VPS9D1: variants seen among roughly 807,000 people sequenced by gnomAD.
VPS9D1 encodes the protein VPS9 domain-containing protein 1.
A neutral mutation model predicts 75.8 loss-of-function variants in VPS9D1; 78 were observed. The observed-to-expected ratio is 1.03, with a 90% CI of 0.86 to 1.24. VPS9D1 has a LOEUF of 1.24. VPS9D1 is among the 50% of genes most tolerant of loss of function. The pLI is 0.00. For missense variants in VPS9D1, 1,057 were observed against 847.7 expected (o/e 1.25, Z -3.07); for synonymous variants, 481 against 385.6 (o/e 1.25, Z -2.90).
intron 2 of VPS9D1, chr16:89,717,492 C>A: frequency 2.2e-6 from 1 of 450,416 alleles, no homozygotes; most frequent in Non-Finnish European, 4.5e-6. Context: ...TCACACAGCC[C>A]TTCTGCGCGC....
intron 10 of VPS9D1, 21 bp from the exon 11 acceptor site, chr16:89,709,927 G>T: frequency 1.3e-6 from 2 of 1,581,888 alleles, no homozygotes; most frequent in Non-Finnish European, 1.7e-6. Context: ...CAGAGCCGGG[G>T]ACGTCCACAG....
chr16:89,720,325 G>T, intron 1 of VPS9D1: 1 of 846,162 alleles, frequency 1.2e-6, no homozygotes, highest in Non-Finnish European at 1.4e-6. Flanking sequence ...TCCTTCCTAA[G>T]ACGACTGCAA....
At chr16:89,714,394 T>C (rs1216161683) in intron 4 of VPS9D1, among the ~76,000 whole-genome samples, 4 of 152,236 alleles carry the variant, frequency 2.6e-5, no homozygotes, top group Non-Finnish European at 5.9e-5. Context: ...GATTAGTCTG[T>C]GACCCATGAA....
At chr16:89,709,125 C>A (rs2060857569) in intron 12 of VPS9D1, 102 bp downstream of exon 12, 2 of 1,546,792 alleles carry the variant, frequency 1.3e-6, no homozygotes, top group East Asian at 4.6e-5. Flanking sequence ...CCAACCTCCC[C>A]ACCGGCACGT....
Position 89,718,305 on chromosome 16 carries a change from G to C in VPS9D1, c.175+722C>G. ...CCACTGCCATCCTCAGTCCTCACCT[G>C]AGGCTCCACTCCCAGGCTGTCCTCT... On this transcript the variant is annotated intron_variant, in intron 2 of 14. Transcript: ENST00000389386. 3 of 347,030 alleles carry C rather than the reference G, an allele frequency of 8.6e-6. No individual in the cohort carries two copies. The East Asian group carries it at 2.3e-4, about 27-fold the overall frequency. 21.5% of individuals were successfully genotyped at this position (347,030 alleles called of 1,614,324 possible). A position where few individuals can be genotyped will look rare whatever the true frequency, so the allele number is the denominator to read the frequency against.
chr16:89,718,182 A>T (rs553378968), intron 2 of VPS9D1: 1 of 407,162 alleles, frequency 2.5e-6, no homozygotes, highest in Non-Finnish European at 5.0e-6. Flanking sequence ...TCTCCTTGCC[A>T]GTTTGCTCCT....
chr16:89,707,600 G>A lies in VPS9D1; in HGVS notation c.*261C>T, dbSNP rs930828807. ...CTTGGCCTCTCTGAGGCCTACACAG[G>A]AGAGCAGGGCCTGGTTCCTCCTGGA... On this transcript the variant is annotated 3_prime_UTR_variant, in exon 15 of 15. Transcript: ENST00000389386. The A allele has an allele frequency of 2.2e-6, 1 of 459,490 alleles. No individual in the cohort carries two copies. The highest frequency in any genetic ancestry group is 2.0e-5 in the African/African-American group (1 of 50,680). 28.5% of individuals were successfully genotyped at this position (459,490 alleles called of 1,614,324 possible).
Position 89,716,730 on chromosome 16 carries a change from C to T in VPS9D1, c.268G>A (p.Gly90Arg). 6 of 1,589,086 alleles carry T rather than the reference C, an allele frequency of 3.8e-6. No homozygotes were observed. Among genetic ancestry groups the T allele is most frequent in the African/African-American group, 1.4e-5 (1 of 73,852 alleles). Reference protein sequence around the residue: ...ERAQSTAAKLGKTRLKPTMPA... With the variant: ...ERAQSTAAKLRKTRLKPTMPA... ...GAGCCGCCTACTGCAGGAGACCCACCAAGCTTGGCGGCCGTCGACTGGGCC... is the reference window on the plus strand; with the variant it reads ...GAGCCGCCTACTGCAGGAGACCCACTAAGCTTGGCGGCCGTCGACTGGGCC... The change falls in exon 3 of 15, where the codon GGG becomes AGG. Residue 90 changes from glycine (G) to arginine (R), a missense_variant and splice_region_variant. Transcript: ENST00000389386.
intron 4 of VPS9D1, 42 bp downstream of exon 4, chr16:89,716,420 C>G (rs2061069941): frequency 6.2e-7 from 1 of 1,608,966 alleles, no homozygotes; most frequent in Non-Finnish European, 8.5e-7. Context: ...CCTCAAAAAC[C>G]CAATCCCAGG....
intron 12 of VPS9D1, 88 bp downstream of exon 12, chr16:89,709,139 A>G: frequency 6.4e-7 from 1 of 1,565,418 alleles, no homozygotes; most frequent in Non-Finnish European, 8.7e-7. Context: ...GGCACGTGAC[A>G]AGAGAAGCTC....
chr16:89,708,978 A>C, intron 12 of VPS9D1, 22 bp from the exon 13 acceptor site: 1 of 1,573,874 alleles, frequency 6.4e-7, no homozygotes, highest in Non-Finnish European at 8.6e-7. Flanking sequence ...ACAGGGTTTC[A>C]GGGGCAGTTA....
At position 89,716,559 on chromosome 16, in the gene VPS9D1, G is replaced by A. The variant is rs1195133863; in HGVS notation, c.334C>T (p.Arg112Cys). The change falls in exon 4 of 15, where the codon CGC (arginine) becomes TGC (cysteine). Residue 112 changes from arginine to cysteine, a missense_variant. By Grantham distance (180) the Arg-to-Cys change is radical. Transcript: ENST00000389386. ...CCTCCTTCATCGGAGTATACACGGC[G>A]GTGTCGGCCGGCAGGCTGGGGAATG... is the stretch of plus-strand genomic sequence containing the variant. ...APIPQPAGRH[R>C]RVYSDEGGKL... is the part of the protein sequence containing the mutation. 6 of 1,614,018 alleles carry A rather than the reference G, an allele frequency of 3.7e-6. No homozygotes were observed. The highest frequency in any genetic ancestry group is 4.5e-5 in the East Asian group (2 of 44,878).
At position 89,711,370 on chromosome 16, in the gene VPS9D1, C is replaced by G; in HGVS notation, c.790G>C (p.Gly264Arg). ...HWKAKLKRNP[G>R]DLSLVTSLVS... ...AGGCTGGTCACGAGTGACAGGTCCC[C>G]CGGATTCCTCTTGAGCTTGGCCTTC... Residue 264 changes from glycine to arginine, a missense_variant, in exon 9 of 15, where the codon GGG (glycine) becomes CGG (arginine). By Grantham distance (125) the Gly-to-Arg change is moderately radical. Coordinates refer to ENST00000389386, the MANE Select transcript of VPS9D1 (RefSeq NM_004913.3). 6.2e-7 allele frequency: 1 copy of G among 1,611,052 alleles called. No individual in the cohort carries two copies. The highest frequency in any genetic ancestry group is 8.5e-7 in the Non-Finnish European group (1 of 1,178,736).
intron 1 of VPS9D1, among the ~76,000 whole-genome samples, chr16:89,720,025 A>G (rs2061207061): frequency 6.8e-6 from 1 of 147,878 alleles, no homozygotes. Flanking sequence ...GCAATATGCT[A>G]TGTTTTTTTG....
In VPS9D1 at chr16:89,711,973, G is replaced by C. The variant is rs1356063328; in HGVS notation, c.660-4C>G. The C allele has an allele frequency of 1.3e-5, 20 of 1,550,740 alleles. No homozygotes were observed. The highest frequency in any genetic ancestry group is 1.7e-5 in the Non-Finnish European group (20 of 1,146,794). On this transcript the variant is annotated splice_polypyrimidine_tract_variant and splice_region_variant and intron_variant, in intron 7 of 14. Coordinates refer to ENST00000389386, the MANE Select transcript of VPS9D1 (RefSeq NM_004913.3). The stretch of plus-strand genomic sequence containing the variant: ...GGCGACTTGGCTGCAAAACCTCCTG[G>C]GGAGAAAGGCACGCGGTGGGTGCCG...
intron 6 of VPS9D1, 39 bp from the exon 7 acceptor site, chr16:89,712,138 C>G (rs1338013087): frequency 6.5e-7 from 1 of 1,547,724 alleles, no homozygotes; most frequent in East Asian, 2.4e-5. Flanking sequence ...GGGATCTGAG[C>G]GGGCCCTCGG....
chr16:89,720,680 C>G, intron 1 of VPS9D1, 83 bp downstream of exon 1: 3 of 1,283,856 alleles, frequency 2.3e-6, no homozygotes, highest in Non-Finnish European at 3.0e-6. Flanking sequence ...CAGCCCGAGC[C>G]GGCCCCGTCC....
Position 89,710,494 on chromosome 16 carries a change from C to T in VPS9D1, c.1258+92G>A, listed in dbSNP as rs949903219. 4 of 1,394,844 alleles carry T rather than the reference C, an allele frequency of 2.9e-6. No individual in the cohort carries two copies. The African/African-American group carries it at 4.3e-5, about 15-fold the overall frequency. The allele number at this position is 1,394,844 out of a possible 1,614,324, so 86.4% of individuals were successfully genotyped here. On this transcript the variant is annotated intron_variant, in intron 10 of 14. Transcript: ENST00000389386. ...TGTAAGTCTGATCAGAGTCTCTGAT[C>T]AACAGACCCTTCCCCAAACAGAAGC...
chr16:89,714,449 TC>T (rs2061014511), intron 4 of VPS9D1, among the ~76,000 whole-genome samples: 1 of 152,188 alleles, frequency 6.6e-6, no homozygotes, highest in African/African-American at 2.4e-5. Context: ...CAACAGCCAC[TC>T]CACCTTGAAA....
Sources: gnomAD v4.1 joint callset for allele counts (sites outside exome capture counted in the v4.1 genomes callset) on GRCh38, gnomAD v4.1.1 for gene constraint, MANE v1.5 for transcripts, NCBI Gene and HGNC (gene_info 2026-07-23, HGNC 2026-07-21) for gene names.